DTNBP1: variants seen among roughly 807,000 people sequenced by gnomAD.
The protein encoded by DTNBP1 is dystrobrevin binding protein 1.
Under a neutral mutation model 42.8 loss-of-function variants are expected in DTNBP1, and 35 were observed. The observed-to-expected ratio is 0.82, with a 90% CI of 0.63 to 1.09. DTNBP1 has a LOEUF of 1.09. Among genes scored for constraint, DTNBP1 ranks in the 50% least tolerant of loss-of-function variants. DTNBP1 has a pLI of 0.00. For synonymous variants in DTNBP1, 171 were observed against 162.2 expected, an observed-to-expected ratio of 1.05 and a Z score of -0.41; for missense variants, 457 against 424.2, an observed-to-expected ratio of 1.08 and a Z score of -0.68.
chr6:15,582,186 C>T (rs1201888226), intron 7 of DTNBP1, among the ~76,000 whole-genome samples: 1 of 152,154 alleles, frequency 6.6e-6, no homozygotes, highest in Non-Finnish European at 1.5e-5. Flanking sequence ...CTAAAGAACA[C>T]TGAACACTAT....
chr6:15,595,937 A>G (rs1776499538), intron 6 of DTNBP1, among the ~76,000 whole-genome samples: 1 of 152,232 alleles, frequency 6.6e-6, no homozygotes, highest in Non-Finnish European at 1.5e-5. Flanking sequence ...TAGCAGGAGA[A>G]TAACATGAGC....
At chr6:15,564,764 G>T (rs1294963333) in intron 7 of DTNBP1, among the ~76,000 whole-genome samples, 1 of 151,964 alleles carries the variant, frequency 6.6e-6, no homozygotes, top group Non-Finnish European at 1.5e-5. Context: ...TACACAAATG[G>T]CTAATAAACA....
chr6:15,662,853 C>T lies in DTNBP1; in HGVS notation c.17G>A (p.Arg6His). The T allele has an allele frequency of 2.5e-6, 4 of 1,608,614 alleles. No individual in the cohort carries two copies. The highest frequency in any genetic ancestry group is 3.4e-6 in the Non-Finnish European group (4 of 1,179,558). The stretch of plus-strand genomic sequence containing the variant: ...CTGCTGCACGCTCAGCAGCCGCTCG[C>T]GAAGGGTCTCCAGCATTGCCGCCGC... MLETLRERLLSVQQDF... is the reference protein window; with the variant it reads MLETLHERLLSVQQDF... Residue 6 changes from arginine (R) to histidine (H), a missense_variant, in exon 1 of 10, where the codon CGC (arginine) becomes CAC (histidine). Coordinates refer to ENST00000344537, the MANE Select transcript of DTNBP1 (RefSeq NM_032122.5).
chr6:15,548,438 G>GACACACACAGAC (rs1554159368), intron 7 of DTNBP1: 220 of 136,700 alleles, frequency 1.6e-3, no homozygotes, highest in African/African-American at 5.8e-3. Flanking sequence ...AACACACACA[G>GACACACACAGAC]ACACACACAC....
intron 6 of DTNBP1, among the ~76,000 whole-genome samples, chr6:15,613,117 G>T (rs553221221): frequency 6.6e-6 from 1 of 151,930 alleles, no homozygotes; most frequent in Admixed American, 6.5e-5. Flanking sequence ...AGACCAGCCT[G>T]GCCAACACGG....
In DTNBP1 at chr6:15,576,899, G is replaced by A. The variant is rs192696230; in HGVS notation, c.511+16160C>T. 3.3e-3 allele frequency among the ~76,000 whole-genome samples: 497 copies of A among 152,134 alleles called. 4 individuals are homozygous for A. Among genetic ancestry groups the A allele is most frequent in the African/African-American group, 0.011 (455 of 41,522 alleles). Reference sequence around the variant, plus strand: ...GTTACAGAACTCCATCCACACAGACGACATGTATTGGGTGCTATGCCAATC... The same window carrying A: ...GTTACAGAACTCCATCCACACAGACAACATGTATTGGGTGCTATGCCAATC... On this transcript the variant is annotated intron_variant, in intron 7 of 9. Coordinates refer to ENST00000344537, the MANE Select transcript of DTNBP1 (RefSeq NM_032122.5).
chr6:15,585,695 A>G, intron 7 of DTNBP1: 1 of 1,534,512 alleles, frequency 6.5e-7, no homozygotes, highest in South Asian at 1.2e-5. Context: ...GCAAAGGAAA[A>G]ACAGAAAATA....
chr6:15,616,761 A>T (rs558229736), intron 5 of DTNBP1, among the ~76,000 whole-genome samples: 7 of 152,218 alleles, frequency 4.6e-5, no homozygotes, highest in Non-Finnish European at 8.8e-5. Context: ...CGTTTTTTGA[A>T]GTCCTAGAGA....
At chr6:15,545,998 C>T in intron 7 of DTNBP1, 1 of 447,702 alleles carries the variant, frequency 2.2e-6, no homozygotes, top group Non-Finnish European at 4.5e-6. Flanking sequence ...CCCTGGAGGC[C>T]TCAGATTTCC....
intron 7 of DTNBP1, among the ~76,000 whole-genome samples, chr6:15,537,630 T>C (rs1174282809): frequency 6.6e-6 from 1 of 152,084 alleles, no homozygotes; most frequent in African/African-American, 2.4e-5. Context: ...AAGGGAGTAA[T>C]TGGATCATGG....
intron 7 of DTNBP1, among the ~76,000 whole-genome samples, chr6:15,572,536 T>C (rs1775381675): frequency 6.6e-6 from 1 of 152,262 alleles, no homozygotes; most frequent in Non-Finnish European, 1.5e-5. Context: ...CTTACTCTTA[T>C]ATACAGCACT....
At chr6:15,650,560 G>C (rs1760932020) in intron 3 of DTNBP1, among the ~76,000 whole-genome samples, 1 of 152,114 alleles carries the variant, frequency 6.6e-6, no homozygotes, top group African/African-American at 2.4e-5. Flanking sequence ...GGGATTATAG[G>C]TATGAGCCAC....
chr6:15,589,369 A>C (rs2113613177), intron 7 of DTNBP1, among the ~76,000 whole-genome samples: 1 of 152,158 alleles, frequency 6.6e-6, no homozygotes, highest in East Asian at 1.9e-4. Context: ...TCAACCACTA[A>C]AAGTGTTCTT....
chr6:15,654,967 A>AT (rs1406317038), intron 1 of DTNBP1, among the ~76,000 whole-genome samples: 12 of 152,254 alleles, frequency 7.9e-5, no homozygotes, highest in African/African-American at 2.7e-4. Flanking sequence ...GCAAGCTGAC[A>AT]TATCACAGGT....
In DTNBP1 at chr6:15,545,772, A is replaced by G. The variant is rs185610993; in HGVS notation, c.512-12377T>C. On this transcript the variant is annotated intron_variant, in intron 7 of 9. Coordinates refer to ENST00000344537, the MANE Select transcript of DTNBP1 (RefSeq NM_032122.5). ...TGGAACAGTTTTCGAATTCCTATCA[A>G]TTACCTTAAGGAAATGACCACTATC... 2.5e-3 allele frequency among the ~76,000 whole-genome samples: 375 copies of G among 152,334 alleles called. 1 individual carries two copies. Among genetic ancestry groups the G allele is most frequent in the Non-Finnish European group, 3.8e-3 (256 of 68,022 alleles).
chr6:15,632,692 G>A (rs1759759455), intron 4 of DTNBP1, among the ~76,000 whole-genome samples: 1 of 151,970 alleles, frequency 6.6e-6, no homozygotes, highest in Non-Finnish European at 1.5e-5. Flanking sequence ...CCCTGAATAG[G>A]TATTTAATTT....
intron 3 of DTNBP1, among the ~76,000 whole-genome samples, chr6:15,644,325 A>G (rs1022203102): frequency 1.3e-5 from 2 of 152,170 alleles, no homozygotes; most frequent in Non-Finnish European, 2.9e-5. Flanking sequence ...AGAGATAGCC[A>G]TAAAATAACA....
intron 7 of DTNBP1, among the ~76,000 whole-genome samples, chr6:15,575,836 A>C (rs1775537348): frequency 6.6e-6 from 1 of 152,188 alleles, no homozygotes; most frequent in Non-Finnish European, 1.5e-5. Context: ...TCAGAGGGAA[A>C]CAGGAAATAG....
intron 7 of DTNBP1, among the ~76,000 whole-genome samples, chr6:15,589,824 T>C (rs986668995): frequency 2.0e-5 from 3 of 152,152 alleles, no homozygotes; most frequent in Non-Finnish European, 4.4e-5. Context: ...TCTTCAACTA[T>C]ACCTCCCCTG....
Sources: gnomAD v4.1 joint callset for allele counts (sites outside exome capture counted in the v4.1 genomes callset) on GRCh38, gnomAD v4.1.1 for gene constraint, MANE v1.5 for transcripts, NCBI Gene and HGNC (gene_info 2026-07-23, HGNC 2026-07-21) for gene names.